The following VPS39 variants were observed in gnomAD, a reference collection of about 807,000 sequenced individuals.
VPS39 encodes the protein vam6/Vps39-like protein.
Under a neutral mutation model 121.0 loss-of-function variants are expected in VPS39, and 70 were observed. The ratio of observed to expected loss-of-function variants is 0.58; its 90% CI spans 0.48 to 0.71. The LOEUF is 0.71. Ranked by LOEUF, VPS39 falls within the 30% of genes least tolerant of loss-of-function variation. VPS39 has a pLI of 0.00. For missense variants in VPS39, 818 were observed against 1,051.5 expected (o/e 0.78, Z 3.07); for synonymous variants, 378 against 398.1 (o/e 0.95, Z 0.60).
At chr15:42,207,605 C>T (rs1214252427) in intron 1 of VPS39, among the ~76,000 whole-genome samples, 1 of 152,054 alleles carries the variant, frequency 6.6e-6, no homozygotes, top group African/African-American at 2.4e-5. Context: ...GAGAAATGAA[C>T]GAATGATCAC....
intron 11 of VPS39, among the ~76,000 whole-genome samples, chr15:42,172,718 C>T (rs1254925428): frequency 6.6e-6 from 1 of 152,236 alleles, no homozygotes; most frequent in Non-Finnish European, 1.5e-5. Context: ...TTGTTTCCAG[C>T]TGGGAGGGCT....
In VPS39 at chr15:42,162,152, C is replaced by A. The variant is rs2049141559; in HGVS notation, c.2340G>T (p.Leu780=). ...KLDTTKALNL[L]PANTQINDIR... Reference sequence around the variant, plus strand: ...TGTCATTGATCTGAGTGTTTGCTGGCAGAAGGTTGAGGGCCTAGGGACAGG... The same window carrying A: ...TGTCATTGATCTGAGTGTTTGCTGGAAGAAGGTTGAGGGCCTAGGGACAGG... The change falls in exon 23 of 25, where the codon CTG becomes CTT. Residue 780 remains leucine, a synonymous_variant. Transcript: ENST00000318006. 6.2e-7 allele frequency: 1 copy of A among 1,614,036 alleles called. No homozygotes were observed. The highest frequency in any genetic ancestry group is 8.5e-7 in the Non-Finnish European group (1 of 1,180,026).
chr15:42,178,727 G>GAAA, intron 8 of VPS39, 157 bp from the exon 9 acceptor site: 1 of 1,029,378 alleles, frequency 9.7e-7, no homozygotes, highest in Non-Finnish European at 1.3e-6. Context: ...CAGAAAGAAA[G>GAAA]AAAAAAAAAA....
At chr15:42,161,925 T>C in intron 23 of VPS39, 107 bp downstream of exon 23, 3 of 1,594,042 alleles carry the variant, frequency 1.9e-6, no homozygotes, top group Non-Finnish European at 2.6e-6. Flanking sequence ...CTGGATCAGC[T>C]TGAGCTGCAC....
intron 12 of VPS39, 132 bp downstream of exon 12, chr15:42,169,592 C>A: frequency 9.7e-7 from 1 of 1,028,234 alleles, no homozygotes; most frequent in East Asian, 2.8e-5. Context: ...AAACTTTACC[C>A]CAGGCAGACT....
At chr15:42,185,307 T>C (rs1246139630) in intron 7 of VPS39, among the ~76,000 whole-genome samples, 1 of 151,672 alleles carries the variant, frequency 6.6e-6, no homozygotes, top group Non-Finnish European at 1.5e-5. Flanking sequence ...GCCTCCTGAG[T>C]AGCTGGAACT....
At chr15:42,202,660 C>G (rs150531932) in intron 1 of VPS39, among the ~76,000 whole-genome samples, 1 of 152,314 alleles carries the variant, frequency 6.6e-6, no homozygotes, top group East Asian at 1.9e-4. Flanking sequence ...CTCTGTCCCC[C>G]AAATCCCTGC....
At chr15:42,200,111 G>A in intron 1 of VPS39, 150 bp from the exon 2 acceptor site, 1 of 690,914 alleles carries the variant, frequency 1.4e-6, no homozygotes, top group Non-Finnish European at 2.2e-6. Context: ...GATAGGAGGT[G>A]TTTTGCAAAG....
At chr15:42,183,436 T>C (rs1256770150) in intron 8 of VPS39, among the ~76,000 whole-genome samples, 1 of 152,044 alleles carries the variant, frequency 6.6e-6, no homozygotes, top group Non-Finnish European at 1.5e-5. Context: ...ATTCTACCAT[T>C]CAGGAATCTA....
At position 42,187,800 on chromosome 15, in the gene VPS39, C is replaced by T. The variant is rs113066819; in HGVS notation, c.399G>A (p.Leu133=). 988 of 1,614,150 alleles carry T rather than the reference C, an allele frequency of 6.1e-4. 7 individuals are homozygous for T. In the African/African-American group the frequency reaches 0.012, roughly 20 times the overall value. Residue 133 remains leucine (L), a synonymous_variant, in exon 6 of 25, where the codon CTG becomes CTA. Coordinates refer to ENST00000318006, the MANE Select transcript of VPS39 (RefSeq NM_015289.5). ...CCCTGTCCTTCCAGAAATAGAGCTGCAGCTTCTTTTTTACTGCCACACACA... is the reference window on the plus strand; with the variant it reads ...CCCTGTCCTTCCAGAAATAGAGCTGTAGCTTCTTTTTTACTGCCACACACA... ...LRMCVAVKKK[L]QLYFWKDREF...
chr15:42,189,928 C>T (rs2049793163), intron 4 of VPS39, among the ~76,000 whole-genome samples: 1 of 149,168 alleles, frequency 6.7e-6, no homozygotes, highest in African/African-American at 2.5e-5. Flanking sequence ...ATCCTCCTAC[C>T]TCAGCCTCCT....
intron 10 of VPS39, among the ~76,000 whole-genome samples, chr15:42,174,805 C>A (rs550209159): frequency 1.8e-4 from 27 of 152,158 alleles, no homozygotes; most frequent in Non-Finnish European, 3.8e-4. Context: ...TGAAACCCGT[C>A]TCTACTAAAA....
intron 1 of VPS39, among the ~76,000 whole-genome samples, chr15:42,204,915 T>C (rs2050139582): frequency 2.0e-5 from 3 of 152,152 alleles, no homozygotes; most frequent in Admixed American, 2.0e-4. Context: ...GTCTGCATTT[T>C]TTACAGGCTT....
At chr15:42,185,178 CTT>C (rs34792839) in intron 7 of VPS39, among the ~76,000 whole-genome samples, 41 of 136,134 alleles carry the variant, frequency 3.0e-4, no homozygotes, top group Non-Finnish European at 2.5e-4. Flanking sequence ...TTGAAAACAA[CTT>C]TTTTTTTTTT....
At position 42,178,430 on chromosome 15, in the gene VPS39, C is replaced by G. The variant is rs769994278; in HGVS notation, c.839+20G>C. 1 of 1,613,880 alleles carries G rather than the reference C, an allele frequency of 6.2e-7. No homozygotes were observed. The highest frequency in any genetic ancestry group is 1.7e-5 in the Admixed American group (1 of 59,988). On this transcript the variant is annotated intron_variant, in intron 9 of 24. Coordinates refer to ENST00000318006, the MANE Select transcript of VPS39 (RefSeq NM_015289.5). Reference sequence around the variant, plus strand: ...ACTTTGGGATAATATACAGCCATAGCAAAAAAAGAAATTCCTTACCCTCCT... The same window carrying G: ...ACTTTGGGATAATATACAGCCATAGGAAAAAAAGAAATTCCTTACCCTCCT...
At chr15:42,206,886 C>T (rs1230903514) in intron 1 of VPS39, among the ~76,000 whole-genome samples, 1 of 152,172 alleles carries the variant, frequency 6.6e-6, no homozygotes, top group Non-Finnish European at 1.5e-5. Context: ...CATTTAAAAA[C>T]TTTTTCTCCT....
Position 42,189,708 on chromosome 15 carries a change from G to A in VPS39, c.248-500C>T, listed in dbSNP as rs371655017. 3.5e-3 allele frequency among the ~76,000 whole-genome samples: 368 copies of A among 105,044 alleles called. 3 individuals carry two copies. The highest frequency in any genetic ancestry group is 0.011 in the African/African-American group (303 of 27,906). The allele number at this position is 105,044 out of a possible 152,430, so 68.9% of individuals were successfully genotyped here. A position where few individuals can be genotyped will look rare whatever the true frequency, so the allele number is the denominator to read the frequency against. The stretch of plus-strand genomic sequence containing the variant: ...TGCACCACTACACTCCAGCCTGGGC[G>A]ACAGAGTGAGACTCCGTCTCAAAAA... On this transcript the variant is annotated intron_variant, in intron 4 of 24. Coordinates refer to ENST00000318006, the MANE Select transcript of VPS39 (RefSeq NM_015289.5).
chr15:42,165,827 G>A lies in VPS39; in HGVS notation c.1681-11C>T. ...ATCTTCAGTAAATATCTGTTAGAAT[G>A]AACCCGAGTTCCAGCAGCAGAACCA... On this transcript the variant is annotated splice_polypyrimidine_tract_variant and intron_variant, in intron 16 of 24. Transcript: ENST00000318006. 1 of 1,611,626 alleles carries A rather than the reference G, an allele frequency of 6.2e-7. No individual in the cohort carries two copies. Among genetic ancestry groups the A allele is most frequent in the South Asian group, 1.1e-5 (1 of 91,018 alleles).
In VPS39 at chr15:42,184,706, G is replaced by T. The variant is rs770483137; in HGVS notation, c.535-6C>A. 2 of 1,605,636 alleles carry T rather than the reference G, an allele frequency of 1.2e-6. No homozygotes were observed. Among genetic ancestry groups the T allele is most frequent in the East Asian group, 4.5e-5 (2 of 44,768 alleles). The stretch of plus-strand genomic sequence containing the variant: ...ATGGACCCCTTTCCATCCACCTATA[G>T]GAAGAAACAGAGTGAGTCACCTAGC... On this transcript the variant is annotated splice_polypyrimidine_tract_variant and splice_region_variant and intron_variant, in intron 7 of 24. Coordinates refer to ENST00000318006, the MANE Select transcript of VPS39 (RefSeq NM_015289.5).
Sources: gnomAD v4.1 joint callset for allele counts (sites outside exome capture counted in the v4.1 genomes callset) on GRCh38, gnomAD v4.1.1 for gene constraint, MANE v1.5 for transcripts, NCBI Gene and HGNC (gene_info 2026-07-23, HGNC 2026-07-21) for gene names.